Variants in LRP1B observed in about 807,000 individuals in gnomAD.
LRP1B encodes the protein low-density lipoprotein receptor-related protein 1B.
A neutral mutation model predicts 556.6 loss-of-function variants in LRP1B; 217 were observed. The observed-to-expected ratio is 0.39, with a 90% CI of 0.35 to 0.44. LRP1B has a LOEUF of 0.44. Among genes scored for constraint, LRP1B ranks in the 20% least tolerant of loss-of-function variants. The pLI is 1.00. For missense variants in LRP1B, 5,053 were observed against 5,620.8 expected (o/e 0.90, Z 3.23); for synonymous variants, 2,047 against 1,865.8 (o/e 1.10, Z -2.50).
chr2:141,729,322 T>C (rs906650), intron 2 of LRP1B, among the ~76,000 whole-genome samples: 65,376 of 151,898 alleles, frequency 0.43, 14,860 homozygotes, highest in Non-Finnish European at 0.5. Context: ...TTTTAGTCTT[T>C]GGACGTTATT....
At chr2:141,459,833 C>G (rs1049500204) in intron 3 of LRP1B, among the ~76,000 whole-genome samples, 1 of 152,106 alleles carries the variant, frequency 6.6e-6, no homozygotes, top group African/African-American at 2.4e-5. Context: ...TTGGGTATGT[C>G]TTTATCAGCA....
At chr2:140,989,235 T>C (rs938642942) in intron 17 of LRP1B, among the ~76,000 whole-genome samples, 2 of 152,016 alleles carry the variant, frequency 1.3e-5, no homozygotes, top group African/African-American at 2.4e-5. Flanking sequence ...AACATCAACC[T>C]CCACTGCCAA....
chr2:141,048,856 T>TA lies in LRP1B; in HGVS notation c.1789+129dup. On this transcript the variant is annotated intron_variant, in intron 11 of 90. Coordinates refer to ENST00000389484, the MANE Select transcript of LRP1B (RefSeq NM_018557.3). Reference sequence around the variant, plus strand: ...AACAATGTTAATGAAGAAATAACATTAAAAAATATTTTTGAACCAACCAGA... The same window carrying TA: ...AACAATGTTAATGAAGAAATAACATTAAAAAAATATTTTTGAACCAACCAGA... 8.5e-6 allele frequency: 6 copies of TA among 708,636 alleles called. No homozygotes were observed. In the South Asian group the frequency reaches 1.0e-4, roughly 12 times the overall value. The allele number at this position is 708,636 out of a possible 1,614,324, so 43.9% of individuals were successfully genotyped here. A position where few individuals can be genotyped will look rare whatever the true frequency, so the allele number is the denominator to read the frequency against.
At chr2:140,844,809 A>G (rs1004070141) in intron 29 of LRP1B, among the ~76,000 whole-genome samples, 2 of 152,188 alleles carry the variant, frequency 1.3e-5, no homozygotes, top group African/African-American at 4.8e-5. Context: ...ATAAGACAGG[A>G]AAAACTCAAC....
chr2:141,558,713 A>C (rs1559140356), intron 2 of LRP1B, among the ~76,000 whole-genome samples: 1 of 151,792 alleles, frequency 6.6e-6, no homozygotes, highest in East Asian at 1.9e-4. Flanking sequence ...GCTGTAGACT[A>C]TGTTTACGCA....
At chr2:141,298,407 A>G (rs978913366) in intron 3 of LRP1B, among the ~76,000 whole-genome samples, 11 of 152,170 alleles carry the variant, frequency 7.2e-5, no homozygotes, top group African/African-American at 2.7e-4. Flanking sequence ...GGACCTGGAG[A>G]TTGAGTTCCA....
At chr2:140,278,459 G>A (rs951809305) in intron 84 of LRP1B, among the ~76,000 whole-genome samples, 16 of 151,948 alleles carry the variant, frequency 1.1e-4, no homozygotes, top group African/African-American at 3.9e-4. Context: ...AGGCTAAATA[G>A]TTTTTCTCTT....
intron 35 of LRP1B, among the ~76,000 whole-genome samples, chr2:140,745,148 T>C (rs1013894036): frequency 2.0e-5 from 3 of 152,164 alleles, no homozygotes; most frequent in Non-Finnish European, 2.9e-5. Flanking sequence ...CTAAGAGATA[T>C]GCAAATGTTG....
At chr2:141,971,281 G>T (rs1334616847) in intron 1 of LRP1B, among the ~76,000 whole-genome samples, 2 of 151,352 alleles carry the variant, frequency 1.3e-5, no homozygotes, top group Non-Finnish European at 3.0e-5. Flanking sequence ...AATTTAAAAT[G>T]AATAAAATAT....
Position 141,722,737 on chromosome 2 carries a change from G to C in LRP1B, c.205+87542C>G, listed in dbSNP as rs867978904. On this transcript the variant is annotated intron_variant, in intron 2 of 90. Coordinates refer to ENST00000389484, the MANE Select transcript of LRP1B (RefSeq NM_018557.3). ...AGACAGGCAGATAGATACATAGATAGATAGATAGATAGATAGATAGATAGA... is the reference window on the plus strand; with the variant it reads ...AGACAGGCAGATAGATACATAGATACATAGATAGATAGATAGATAGATAGA... Among the ~76,000 whole-genome samples the C allele has an allele frequency of 9.7e-3, 1,371 of 141,022 alleles. 12 individuals are homozygous for C. The highest frequency in any genetic ancestry group is 0.015 in the Non-Finnish European group (963 of 63,844). 92.5% of individuals were successfully genotyped at this position (141,022 alleles called of 152,430 possible).
Position 140,576,738 on chromosome 2 carries a change from C to G in LRP1B, c.7194+21893G>C, listed in dbSNP as rs1006532078. ...ATAATATCATTACCATAAAAGTAGT[C>G]TACACCTGCGGGGACTAACTAGTTT... On this transcript the variant is annotated intron_variant, in intron 43 of 90. Coordinates refer to ENST00000389484, the MANE Select transcript of LRP1B (RefSeq NM_018557.3). 7.9e-5 allele frequency among the ~76,000 whole-genome samples: 12 copies of G among 152,258 alleles called. No homozygotes were observed. The South Asian group carries it at 1.7e-3, about 21-fold the overall frequency.
intron 7 of LRP1B, among the ~76,000 whole-genome samples, chr2:141,126,070 T>C (rs1225451223): frequency 6.6e-6 from 1 of 151,498 alleles, no homozygotes; most frequent in Admixed American, 6.6e-5. Flanking sequence ...TCTGGCTCTG[T>C]CGCCAGGCTG....
At chr2:141,797,165 ATATATATATATATATATATAT>A (rs1237903052) in intron 2 of LRP1B, among the ~76,000 whole-genome samples, 14 of 87,298 alleles carry the variant, frequency 1.6e-4, no homozygotes, top group East Asian at 5.5e-4. Context: ...ATATATATAT[ATATATATATATATATATATAT>A]AACTATATAT....
intron 31 of LRP1B, among the ~76,000 whole-genome samples, chr2:140,821,629 A>T (rs2105055476): frequency 6.6e-6 from 1 of 152,348 alleles, no homozygotes; most frequent in Admixed American, 6.5e-5. Context: ...TTCACACTCT[A>T]CTTCATACAG....
chr2:141,567,094 T>C (rs1686358949), intron 2 of LRP1B, among the ~76,000 whole-genome samples: 1 of 152,172 alleles, frequency 6.6e-6, no homozygotes. Flanking sequence ...TCAGTTATAA[T>C]TCTATTGTGT....
At chr2:140,430,872 C>A (rs535986533) in intron 66 of LRP1B, among the ~76,000 whole-genome samples, 1 of 152,336 alleles carries the variant, frequency 6.6e-6, no homozygotes, top group East Asian at 1.9e-4. Flanking sequence ...TTCTCCCTTT[C>A]CTACACATCA....
chr2:141,258,225 CT>C (rs1684553712), intron 3 of LRP1B, among the ~76,000 whole-genome samples: 1 of 152,178 alleles, frequency 6.6e-6, no homozygotes, highest in Non-Finnish European at 1.5e-5. Flanking sequence ...GTGGCTCACA[CT>C]TATAATCCTA....
chr2:140,239,546 G>A lies in LRP1B; in HGVS notation c.13325-14C>T, dbSNP rs2104885075. Reference sequence around the variant, plus strand: ...TGGCAATGCTTCCTGGAAAATAAATGAGTGAATAGATGAAGAAATAAATAA... The same window carrying A: ...TGGCAATGCTTCCTGGAAAATAAATAAGTGAATAGATGAAGAAATAAATAA... On this transcript the variant is annotated splice_polypyrimidine_tract_variant and intron_variant, in intron 87 of 90. Coordinates refer to ENST00000389484, the MANE Select transcript of LRP1B (RefSeq NM_018557.3). The A allele has an allele frequency of 2.0e-6, 3 of 1,525,854 alleles. No individual in the cohort carries two copies. Among genetic ancestry groups the A allele is most frequent in the Non-Finnish European group, 2.7e-6 (3 of 1,107,308 alleles). The allele number at this position is 1,525,854 out of a possible 1,614,324, so 94.5% of individuals were successfully genotyped here. A position where few individuals can be genotyped will look rare whatever the true frequency, so the allele number is the denominator to read the frequency against.
At chr2:141,987,549 G>GGTTTTT (rs759066326) in intron 1 of LRP1B, among the ~76,000 whole-genome samples, 1 of 139,982 alleles carries the variant, frequency 7.1e-6, no homozygotes. Flanking sequence ...GATTTAAGCT[G>GGTTTTT]TTTTTTTTTT....
Sources: allele counts gnomAD v4.1 joint callset (sites outside exome capture counted in the v4.1 genomes callset), GRCh38; gene constraint gnomAD v4.1.1; transcripts MANE v1.5; gene names NCBI Gene and HGNC (gene_info 2026-07-23, HGNC 2026-07-21).